Variants in GPR141 observed in about 807,000 individuals in gnomAD.
GPR141 encodes the protein G protein-coupled receptor 141.
A neutral mutation model predicts 6.8 loss-of-function variants in GPR141; 6 were observed. That is an observed-to-expected ratio of 0.88 (90% CI 0.48 to 1.74). The LOEUF is 1.74. Ranked by LOEUF, GPR141 falls within the 40% of genes most tolerant of loss-of-function variation. The probability of loss-of-function intolerance (pLI) is 0.01; values close to 1 mark genes in which losing one functional copy is unlikely to be tolerated. For synonymous variants in GPR141, 140 were observed against 142.3 expected, an observed-to-expected ratio of 0.98 and a Z score of 0.11; for missense variants, 372 against 372.9, an observed-to-expected ratio of 1.00 and a Z score of 0.02.
At position 37,711,818 on chromosome 7, in the gene GPR141, T is replaced by G. The variant is rs562217825; in HGVS notation, c.-15+26235T>G. ...GGCAGTGATCTAGATACCTAGGTTATGCCAGAGGTGCAAGTTTTAAACTCC... is the reference window on the plus strand; with the variant it reads ...GGCAGTGATCTAGATACCTAGGTTAGGCCAGAGGTGCAAGTTTTAAACTCC... On this transcript the variant is annotated intron_variant, in intron 2 of 2. Transcript: ENST00000334425. Among the ~76,000 whole-genome samples the G allele has an allele frequency of 2.3e-4, 35 of 152,348 alleles. No individual in the cohort carries two copies. The South Asian group carries it at 6.8e-3, about 30-fold the overall frequency.
intron 2 of GPR141, among the ~76,000 whole-genome samples, chr7:37,731,635 G>A (rs1811942611): frequency 6.6e-6 from 1 of 152,078 alleles, no homozygotes; most frequent in African/African-American, 2.4e-5. Flanking sequence ...TGTATTTTTA[G>A]TAGAGACGGG....
At chr7:37,697,266 A>G (rs1810062946) in intron 2 of GPR141, among the ~76,000 whole-genome samples, 1 of 152,212 alleles carries the variant, frequency 6.6e-6, no homozygotes, top group Non-Finnish European at 1.5e-5. Context: ...AAAACAGGCC[A>G]ATTCGGAGAC....
chr7:37,688,878 C>G (rs1166079792), intron 2 of GPR141, among the ~76,000 whole-genome samples: 1 of 152,100 alleles, frequency 6.6e-6, no homozygotes, highest in Non-Finnish European at 1.5e-5. Flanking sequence ...CAATTCTTTT[C>G]CCCTTTCTTT....
chr7:37,728,647 A>C (rs928901200), intron 2 of GPR141, among the ~76,000 whole-genome samples: 2 of 151,982 alleles, frequency 1.3e-5, no homozygotes, highest in African/African-American at 4.8e-5. Context: ...CTGAGACCCA[A>C]GCAAGGTTGT....
At chr7:37,706,693 T>C (rs947313225) in intron 2 of GPR141, among the ~76,000 whole-genome samples, 1 of 152,174 alleles carries the variant, frequency 6.6e-6, no homozygotes, top group East Asian at 1.9e-4. Context: ...ATGATGGGTG[T>C]CATGAAAATG....
At chr7:37,729,324 A>T (rs1720499597) in intron 2 of GPR141, among the ~76,000 whole-genome samples, 1 of 152,222 alleles carries the variant, frequency 6.6e-6, no homozygotes. Context: ...CATGTGGAAC[A>T]AGGAGGTCCA....
At position 37,741,168 on chromosome 7, in the gene GPR141, A is replaced by G; in HGVS notation, c.775A>G (p.Asn259Asp). 1 of 1,614,036 alleles carries G rather than the reference A, an allele frequency of 6.2e-7. No individual in the cohort carries two copies. The highest frequency in any genetic ancestry group is 8.5e-7 in the Non-Finnish European group (1 of 1,179,906). The change falls in exon 3 of 3, where the codon AAC (asparagine) becomes GAC (aspartate). Residue 259 changes from asparagine to aspartate, a missense_variant. Transcript: ENST00000334425. Reference protein sequence around the residue: ...LNVVTHSNACNSKVAFYNEIF... With the variant: ...LNVVTHSNACDSKVAFYNEIF... The stretch of plus-strand genomic sequence containing the variant: ...TGTTGTGACGCATTCCAATGCCTGT[A>G]ACAGCAAGGTTGCATTTTATAACGA...
rs371871858 is a variant in GPR141 at position 37,727,330 on chromosome 7, A to G, written c.-14-13050A>G. Among the ~76,000 whole-genome samples, 11 of 152,064 alleles carry G rather than the reference A, an allele frequency of 7.2e-5. No homozygotes were observed. The East Asian group carries it at 1.4e-3, about 19-fold the overall frequency. On this transcript the variant is annotated intron_variant, in intron 2 of 2. Transcript: ENST00000334425. ...AATAGTTTTGTTCTTGGGGTTTTTT[A>G]GCTTTTCTTTTAAATCTTCCATCTC...
In GPR141 at chr7:37,740,831, T is replaced by C; in HGVS notation, c.438T>C (p.Ile146=). ...GCATGTGGACGCTGGTGATTGTCAT[T>C]GTGGTACCCCTGGTTGTCTCCCGGT... ...SAGMWTLVIV[I]VVPLVVSRYG... Residue 146 remains isoleucine, a synonymous_variant, in exon 3 of 3, where the codon ATT becomes ATC. Transcript: ENST00000334425. 6.2e-7 allele frequency: 1 copy of C among 1,614,164 alleles called. No individual in the cohort carries two copies.
intron 2 of GPR141, among the ~76,000 whole-genome samples, chr7:37,690,877 G>C (rs997491216): frequency 6.6e-6 from 1 of 151,808 alleles, no homozygotes; most frequent in South Asian, 2.1e-4. Context: ...GTTTATTTTC[G>C]CTCTATATCA....
At chr7:37,691,288 C>CTTTTTTT (rs1562764892) in intron 2 of GPR141, among the ~76,000 whole-genome samples, 3 of 63,088 alleles carry the variant, frequency 4.8e-5, no homozygotes, top group Admixed American at 2.9e-4. Flanking sequence ...AGTCTATATC[C>CTTTTTTT]TTTTTTTTTT....
At chr7:37,686,955 A>G (rs1368148792) in intron 2 of GPR141, among the ~76,000 whole-genome samples, 1 of 152,190 alleles carries the variant, frequency 6.6e-6, no homozygotes, top group Non-Finnish European at 1.5e-5. Flanking sequence ...TGCCATCAGC[A>G]TCTGAGCCCC....
At chr7:37,688,360 A>C (rs951609161) in intron 2 of GPR141, among the ~76,000 whole-genome samples, 22 of 152,144 alleles carry the variant, frequency 1.4e-4, no homozygotes, top group African/African-American at 5.3e-4. Context: ...TAAACCCAGG[A>C]GGCAGAGGTT....
rs116181691 is a variant in GPR141, at chr7:37,706,988, C to T, written c.-15+21405C>T. Reference sequence around the variant, plus strand: ...GGTACGTTTTCTTCTCTTCCACGCCCACTGCCTCTTCCTCTTTCCCTTTCC... The same window carrying T: ...GGTACGTTTTCTTCTCTTCCACGCCTACTGCCTCTTCCTCTTTCCCTTTCC... On this transcript the variant is annotated intron_variant, in intron 2 of 2. Transcript: ENST00000334425. Among the ~76,000 whole-genome samples the T allele has an allele frequency of 5.5e-3, 844 of 152,132 alleles. 8 individuals are homozygous for T. The highest frequency in any genetic ancestry group is 0.02 in the African/African-American group (816 of 41,492).
At chr7:37,688,721 A>G (rs1329213521) in intron 2 of GPR141, among the ~76,000 whole-genome samples, 1 of 152,172 alleles carries the variant, frequency 6.6e-6, no homozygotes, top group East Asian at 1.9e-4. Context: ...GTCATCTGAC[A>G]AGAGGAAGGC....
At chr7:37,688,082 A>G (rs1809590647) in intron 2 of GPR141, among the ~76,000 whole-genome samples, 1 of 152,172 alleles carries the variant, frequency 6.6e-6, no homozygotes, top group South Asian at 2.1e-4. Context: ...TGGCCAGCCC[A>G]TGGGATGTAC....
intron 2 of GPR141, among the ~76,000 whole-genome samples, chr7:37,726,208 C>T (rs1203670649): frequency 6.6e-6 from 1 of 152,210 alleles, no homozygotes; most frequent in African/African-American, 2.4e-5. Context: ...GGATCACATC[C>T]TGTAAGGCCT....
At chr7:37,733,150 A>G (rs960191355) in intron 2 of GPR141, among the ~76,000 whole-genome samples, 1 of 152,166 alleles carries the variant, frequency 6.6e-6, no homozygotes, top group Non-Finnish European at 1.5e-5. Context: ...GGGGCTGAGA[A>G]GATATGGACT....
chr7:37,696,589 C>A (rs140307268), intron 2 of GPR141, among the ~76,000 whole-genome samples: 2 of 151,894 alleles, frequency 1.3e-5, no homozygotes, highest in African/African-American at 4.8e-5. Context: ...CTGATGTGCA[C>A]ATATGGAATT....
Sources: gnomAD v4.1 joint callset for allele counts (sites outside exome capture counted in the v4.1 genomes callset) on GRCh38, gnomAD v4.1.1 for gene constraint, MANE v1.5 for transcripts, NCBI Gene and HGNC (gene_info 2026-07-23, HGNC 2026-07-21) for gene names.